The following AGBL4 variants were observed in gnomAD, a reference collection of about 807,000 sequenced individuals.
The protein encoded by AGBL4 is AGBL carboxypeptidase 4.
A neutral mutation model predicts 66.4 loss-of-function variants in AGBL4; 58 were observed. That is an observed-to-expected ratio of 0.87 (90% CI 0.71 to 1.09). AGBL4 has a LOEUF of 1.09. Among genes scored for constraint, AGBL4 ranks in the 50% least tolerant of loss-of-function variants. The pLI is 0.00. For missense variants in AGBL4, 579 were observed against 631.0 expected (o/e 0.92, Z 0.88); for synonymous variants, 234 against 222.9 (o/e 1.05, Z -0.44).
At chr1:49,817,071 A>G (rs1456988555) in intron 2 of AGBL4, among the ~76,000 whole-genome samples, 1 of 152,174 alleles carries the variant, frequency 6.6e-6, no homozygotes, top group African/African-American at 2.4e-5. Flanking sequence ...CCCTATATAC[A>G]CAATGACCAC....
At chr1:49,566,964 C>T (rs893939365) in intron 3 of AGBL4, among the ~76,000 whole-genome samples, 6 of 152,312 alleles carry the variant, frequency 3.9e-5, no homozygotes, top group South Asian at 2.1e-4. Context: ...GCTTCCCTCT[C>T]GGCTGCTTTG....
chr1:48,928,275 C>T (rs142237874), intron 5 of AGBL4, among the ~76,000 whole-genome samples: 9 of 152,294 alleles, frequency 5.9e-5, no homozygotes, highest in Non-Finnish European at 8.8e-5. Context: ...AGGATTAGTA[C>T]ATCCGCACTT....
intron 3 of AGBL4, among the ~76,000 whole-genome samples, chr1:49,448,475 C>G (rs1165729777): frequency 6.6e-6 from 1 of 152,168 alleles, no homozygotes; most frequent in East Asian, 1.9e-4. Flanking sequence ...ATGATTTTTA[C>G]TGATTGCTCT....
intron 1 of AGBL4, among the ~76,000 whole-genome samples, chr1:50,016,388 C>G (rs1661987714): frequency 6.6e-6 from 1 of 152,064 alleles, no homozygotes; most frequent in Admixed American, 6.6e-5. Context: ...ATGGCAAAAC[C>G]CACCTCTACT....
At chr1:49,945,691 A>G (rs1189856907) in intron 1 of AGBL4, among the ~76,000 whole-genome samples, 1 of 152,108 alleles carries the variant, frequency 6.6e-6, no homozygotes, top group Non-Finnish European at 1.5e-5. Flanking sequence ...TAGTATGATG[A>G]ATGGAATACA....
At chr1:49,237,019 G>A (rs919367169) in intron 4 of AGBL4, among the ~76,000 whole-genome samples, 4 of 151,794 alleles carry the variant, frequency 2.6e-5, no homozygotes, top group African/African-American at 9.7e-5. Context: ...ACTTTGGGAG[G>A]CCAAGGTGGG....
chr1:48,645,192 T>C (rs1190293468), intron 8 of AGBL4, among the ~76,000 whole-genome samples: 4 of 152,150 alleles, frequency 2.6e-5, no homozygotes, highest in African/African-American at 9.7e-5. Context: ...CAGTGTCCTT[T>C]CAGCCTCCAC....
At chr1:49,422,562 C>A (rs965430246) in intron 3 of AGBL4, among the ~76,000 whole-genome samples, 1 of 152,134 alleles carries the variant, frequency 6.6e-6, no homozygotes, top group Non-Finnish European at 1.5e-5. Flanking sequence ...CTGCTGCTAA[C>A]CTCCTTGTGT....
chr1:50,016,275 T>G (rs1288823482), intron 1 of AGBL4, among the ~76,000 whole-genome samples: 1 of 152,066 alleles, frequency 6.6e-6, no homozygotes, highest in Non-Finnish European at 1.5e-5. Context: ...TTAAACAAAT[T>G]AACAGGCTGG....
intron 3 of AGBL4, among the ~76,000 whole-genome samples, chr1:49,379,296 T>C (rs1373004093): frequency 1.3e-5 from 2 of 152,160 alleles, no homozygotes; most frequent in Non-Finnish European, 2.9e-5. Flanking sequence ...TTGTATGAAT[T>C]GTTATATGTG....
chr1:48,728,402 T>C (rs1316392239), intron 6 of AGBL4, among the ~76,000 whole-genome samples: 1 of 151,912 alleles, frequency 6.6e-6, no homozygotes, highest in Non-Finnish European at 1.5e-5. Flanking sequence ...TGTTAACACA[T>C]GTATGTATCC....
intron 2 of AGBL4, among the ~76,000 whole-genome samples, chr1:49,836,930 T>C (rs1359403450): frequency 6.6e-6 from 1 of 152,246 alleles, no homozygotes. Context: ...CTAAGATTGC[T>C]GCTTGCTCTT....
chr1:48,988,140 A>G (rs1485204913), intron 5 of AGBL4, among the ~76,000 whole-genome samples: 3 of 152,072 alleles, frequency 2.0e-5, no homozygotes, highest in Non-Finnish European at 2.9e-5. Flanking sequence ...CTATATACAT[A>G]CACTTAAAAT....
chr1:49,312,352 C>T (rs1023394386), intron 3 of AGBL4, among the ~76,000 whole-genome samples: 1 of 152,082 alleles, frequency 6.6e-6, no homozygotes, highest in African/African-American at 2.4e-5. Context: ...TTATCAGACA[C>T]TGAACCTCCC....
chr1:49,129,498 G>A (rs1233256188), intron 4 of AGBL4, among the ~76,000 whole-genome samples: 2 of 147,338 alleles, frequency 1.4e-5, no homozygotes, highest in South Asian at 2.2e-4. Flanking sequence ...AGAGTGTGAT[G>A]CTCCCCTTCC....
chr1:49,233,097 C>G (rs1650452482), intron 4 of AGBL4, among the ~76,000 whole-genome samples: 1 of 152,154 alleles, frequency 6.6e-6, no homozygotes, highest in Non-Finnish European at 1.5e-5. Context: ...AATCTTTGAG[C>G]ATATCTCTGA....
At chr1:48,861,504 C>T (rs1293651260) in intron 6 of AGBL4, among the ~76,000 whole-genome samples, 1 of 152,028 alleles carries the variant, frequency 6.6e-6, no homozygotes, top group Non-Finnish European at 1.5e-5. Flanking sequence ...AATATTGAAA[C>T]CTGCCCAAGA....
intron 9 of AGBL4, among the ~76,000 whole-genome samples, chr1:48,614,395 A>G (rs1256828681): frequency 2.0e-5 from 3 of 152,224 alleles, no homozygotes; most frequent in Admixed American, 6.5e-5. Flanking sequence ...TCTGGCTCCA[A>G]GGGTCTGTGA....
chr1:49,725,813 CAT>C (rs756176543), intron 2 of AGBL4, among the ~76,000 whole-genome samples: 4 of 150,118 alleles, frequency 2.7e-5, no homozygotes, highest in Non-Finnish European at 4.4e-5. Flanking sequence ...CAAAGAAAAT[CAT>C]GTGACAAAGC....
Sources: allele counts gnomAD v4.1 joint callset (sites outside exome capture counted in the v4.1 genomes callset), GRCh38; gene constraint gnomAD v4.1.1; transcripts MANE v1.5; gene names NCBI Gene and HGNC (gene_info 2026-07-23, HGNC 2026-07-21).